The following PTCH1 variants were observed in gnomAD, a reference collection of about 807,000 sequenced individuals.
PTCH1 encodes the protein protein patched homolog 1.
A neutral mutation model predicts 144.6 loss-of-function variants in PTCH1; 14 were observed. The observed-to-expected ratio is 0.10, with a 90% CI of 0.06 to 0.15. The LOEUF (loss-of-function observed/expected upper bound fraction) is 0.15. PTCH1 is among the 10% of genes least tolerant of loss of function. The pLI, the probability that PTCH1 is intolerant of heterozygous loss-of-function variation, is 1.00. For synonymous variants in PTCH1, 833 were observed against 793.6 expected, an observed-to-expected ratio of 1.05 and a Z score of -0.83; for missense variants, 1,623 against 1,948.3, an observed-to-expected ratio of 0.83 and a Z score of 3.14.
At chr9:95,452,592 C>CA (rs1481639370) in intron 20 of PTCH1, 2 of 152,334 alleles carry the variant, frequency 1.3e-5, no homozygotes, top group Non-Finnish European at 2.9e-5. Flanking sequence ...AAGGAAAACT[C>CA]ACTGTTCTTT....
In PTCH1 at chr9:95,481,796, C is replaced by T. The variant is rs1227565467; in HGVS notation, c.746+153G>A. On this transcript the variant is annotated intron_variant, in intron 5 of 23. Transcript: ENST00000331920. ...AAAAAACATTCTGCTGAAATCCCCT[C>T]TCCCCCGACTATTCACTCAAAAAAT... The T allele has an allele frequency of 9.5e-6, 7 of 739,682 alleles. No homozygotes were observed. In the Admixed American group the frequency reaches 1.5e-4, roughly 16 times the overall value. 45.8% of individuals were successfully genotyped at this position (739,682 alleles called of 1,614,324 possible).
intron 2 of PTCH1, among the ~76,000 whole-genome samples, chr9:95,502,505 T>C (rs894842350): frequency 3.3e-5 from 5 of 152,218 alleles, no homozygotes; most frequent in Non-Finnish European, 7.3e-5. Context: ...CAACAGCAGA[T>C]GTCCACTACA....
Position 95,476,237 on chromosome 9 carries a change from G to T in PTCH1, c.1603-78C>A. The T allele has an allele frequency of 6.4e-7, 1 of 1,552,356 alleles. No individual in the cohort carries two copies. The highest frequency in any genetic ancestry group is 8.7e-7 in the Non-Finnish European group (1 of 1,150,360). ...GAGCACAGACTGTGTGAGCAGATAC[G>T]TGGCAGAATAACACAACTGTTATTA... On this transcript the variant is annotated intron_variant, in intron 11 of 23. Transcript: ENST00000331920. The surrounding 1 kb of genome is among the most constrained non-coding windows in gnomAD (Gnocchi z 4.6).
intron 19 of PTCH1, among the ~76,000 whole-genome samples, chr9:95,454,674 C>T (rs924341714): frequency 9.9e-5 from 15 of 152,228 alleles, no homozygotes; most frequent in African/African-American, 3.4e-4. Flanking sequence ...CCCTGTCACA[C>T]ACTGTTTCTA....
In PTCH1 at chr9:95,458,194, G is replaced by T; in HGVS notation, c.2987C>A (p.Thr996Asn). ...CAGGCTCGTATAGTTGCTGCAGATGGTCCTTACTTTTTCAATTGCCTCCAC... is the reference window on the plus strand; with the variant it reads ...CAGGCTCGTATAGTTGCTGCAGATGTTCCTTACTTTTTCAATTGCCTCCAC... ...DFVEAIEKVRTICSNYTSLGL... is the reference protein window; with the variant it reads ...DFVEAIEKVRNICSNYTSLGL... The change falls in exon 18 of 24, where the codon ACC becomes AAC. Residue 996 changes from threonine (T) to asparagine (N), a missense_variant. By Grantham distance (65) the Thr-to-Asn change is moderately conservative. Coordinates refer to ENST00000331920, the MANE Select transcript of PTCH1 (RefSeq NM_000264.5). The surrounding 1 kb of genome is among the most constrained non-coding windows in gnomAD (Gnocchi z 4.7). 5 of 1,614,148 alleles carry T rather than the reference G, an allele frequency of 3.1e-6. No individual in the cohort carries two copies. Among genetic ancestry groups the T allele is most frequent in the Non-Finnish European group, 3.4e-6 (4 of 1,180,036 alleles).
chr9:95,493,476 C>T (rs1008980876), intron 2 of PTCH1, among the ~76,000 whole-genome samples: 32 of 152,206 alleles, frequency 2.1e-4, no homozygotes, highest in Non-Finnish European at 3.1e-4. Context: ...GCCTTGGGAA[C>T]AGGCAGTCAT....
At chr9:95,451,769 T>C (rs1304147644) in intron 20 of PTCH1, 5 of 152,366 alleles carry the variant, frequency 3.3e-5, no homozygotes, top group South Asian at 4.1e-4. Flanking sequence ...CTACTTGACA[T>C]TGAGCTTTTA....
Position 95,506,518 on chromosome 9 carries a change from G to T in PTCH1, c.283C>A (p.Gln95Lys). ...RLLFKLGCYI[Q>K]KNCGKFLVVG... ...ACCAAGAACTTGCCGCAGTTTTTTT[G>T]AATGTAACAACCCAGTTTAAATAAG... The change falls in exon 2 of 24, where the codon CAA becomes AAA. Residue 95 changes from glutamine (Q) to lysine (K), a missense_variant. Around this residue, in one of 7 missense-constraint regions of PTCH1, gnomAD observed 245 missense variants for 240.6 expected, o/e 1.02. Transcript: ENST00000331920. 6.2e-7 allele frequency: 1 copy of T among 1,613,762 alleles called. No individual in the cohort carries two copies. Among genetic ancestry groups the T allele is most frequent in the Non-Finnish European group, 8.5e-7 (1 of 1,179,816 alleles).
intron 2 of PTCH1, among the ~76,000 whole-genome samples, chr9:95,498,296 C>T (rs951424382): frequency 1.9e-4 from 29 of 152,200 alleles, no homozygotes; most frequent in Non-Finnish European, 4.0e-4. Flanking sequence ...ATGGGACCCA[C>T]ATGCAGAGTG....
chr9:95,446,534 G>A (rs1362267841), intron 23 of PTCH1, 143 bp from the exon 24 acceptor site: 12 of 446,410 alleles, frequency 2.7e-5, no homozygotes, highest in South Asian at 1.4e-4. Context: ...CCTGGGGGCT[G>A]CTTGTGACCT....
At chr9:95,481,567 T>TC (rs1391940824) in intron 5 of PTCH1, among the ~76,000 whole-genome samples, 2 of 152,192 alleles carry the variant, frequency 1.3e-5, no homozygotes, top group African/African-American at 4.8e-5. Context: ...TCAAAATATT[T>TC]CATTCTGATG....
Position 95,472,310 on chromosome 9 carries a change from G to C in PTCH1, c.1729-2379C>G, listed in dbSNP as rs534441830. Among the ~76,000 whole-genome samples the C allele has an allele frequency of 3.0e-3, 460 of 152,314 alleles. 2 individuals carry two copies. The highest frequency in any genetic ancestry group is 0.01 in the African/African-American group (426 of 41,556). ...CAAGTCACCTGCCTGAGGTTATCCA[G>C]TAAATCAGATCAAACAAAGACTTGA... On this transcript the variant is annotated intron_variant, in intron 12 of 23. Transcript: ENST00000331920.
intron 5 of PTCH1, among the ~76,000 whole-genome samples, chr9:95,480,945 A>C (rs1185377515): frequency 6.6e-6 from 1 of 152,196 alleles, no homozygotes. Context: ...CACAATATCA[A>C]ATTAGCACTT....
In PTCH1 at chr9:95,447,167, G is replaced by A. The variant is rs2136576837; in HGVS notation, c.4089C>T (p.Gly1363=). The A allele has an allele frequency of 6.2e-7, 1 of 1,613,108 alleles. No individual in the cohort carries two copies. The highest frequency in any genetic ancestry group is 1.1e-5 in the South Asian group (1 of 91,088). The part of the protein sequence containing the change: ...ASTAMGSSVP[G]YCQPITTVTA... ...TCACAGTGGTGATGGGCTGGCAGTAGCCGGGCACGGAGCTGCCCATGGCAG... is the reference window on the plus strand; with the variant it reads ...TCACAGTGGTGATGGGCTGGCAGTAACCGGGCACGGAGCTGCCCATGGCAG... Residue 1363 remains glycine, a synonymous_variant, in exon 23 of 24, where the codon GGC becomes GGT. Transcript: ENST00000331920.
intron 15 of PTCH1, among the ~76,000 whole-genome samples, chr9:95,464,462 G>C (rs1839820401): frequency 6.6e-6 from 1 of 152,130 alleles, no homozygotes; most frequent in South Asian, 2.1e-4. Flanking sequence ...CTAATGTAAA[G>C]TTCTAGGCCA....
intron 2 of PTCH1, among the ~76,000 whole-genome samples, chr9:95,501,133 G>A (rs1843122565): frequency 6.6e-6 from 1 of 152,184 alleles, no homozygotes; most frequent in Non-Finnish European, 1.5e-5. Context: ...CACAGCATGA[G>A]TCTTCCAATC....
In PTCH1 at chr9:95,469,172, T is replaced by C. The variant is rs1433435046; in HGVS notation, c.1848-19A>G. 3.1e-6 allele frequency: 5 copies of C among 1,613,810 alleles called. No individual in the cohort carries two copies. Among genetic ancestry groups the C allele is most frequent in the Admixed American group, 3.3e-5 (2 of 60,002 alleles). ...GCAGGGGCTGAAAGGAGGGGAAACA[T>C]GTTGCAATGTTATGCTGAAACAGGG... is the stretch of plus-strand genomic sequence containing the variant. On this transcript the variant is annotated intron_variant, in intron 13 of 23. Transcript: ENST00000331920.
At chr9:95,504,744 G>A (rs1010585008) in intron 2 of PTCH1, among the ~76,000 whole-genome samples, 38 of 151,962 alleles carry the variant, frequency 2.5e-4, no homozygotes, top group African/African-American at 8.7e-4. Flanking sequence ...ACCGTCTCCA[G>A]TTCTCTCCCC....
At chr9:95,465,573 A>G (rs539763053) in intron 15 of PTCH1, among the ~76,000 whole-genome samples, 46 of 152,356 alleles carry the variant, frequency 3.0e-4, no homozygotes, top group African/African-American at 1.0e-3. Context: ...ACATGTAGAC[A>G]CAAAGTTCTG....
Sources: gnomAD v4.1 joint callset for allele counts (sites outside exome capture counted in the v4.1 genomes callset) on GRCh38, gnomAD v4.1.1 for gene constraint, gnomAD v4.1.1 regional missense constraint, Gnocchi (gnomAD v3.1) non-coding constraint, MANE v1.5 for transcripts, NCBI Gene and HGNC (gene_info 2026-07-23, HGNC 2026-07-21) for gene names.